Variants in PCSK5 observed in about 807,000 individuals in gnomAD.
The protein encoded by PCSK5 is proprotein convertase subtilisin/kexin type 5, also known as prohormone convertase 5.
A neutral mutation model predicts 233.2 loss-of-function variants in PCSK5; 129 were observed. The observed-to-expected ratio is 0.55, with a 90% CI of 0.48 to 0.64. PCSK5 has a LOEUF of 0.64. Among genes scored for constraint, PCSK5 ranks in the 30% least tolerant of loss-of-function variants. The probability of loss-of-function intolerance (pLI) is 0.00; values close to 1 mark genes in which losing one functional copy is unlikely to be tolerated. For synonymous variants in PCSK5, 825 were observed against 879.2 expected, an observed-to-expected ratio of 0.94 and a Z score of 1.09; for missense variants, 2,076 against 2,430.1, an observed-to-expected ratio of 0.85 and a Z score of 3.06.
intron 28 of PCSK5, among the ~76,000 whole-genome samples, 178 bp from the exon 29 acceptor site, chr9:76,308,467 T>C (rs1587853645): frequency 1.3e-5 from 2 of 151,938 alleles, no homozygotes; most frequent in Non-Finnish European, 2.9e-5. Flanking sequence ...GAAAAAAAAA[T>C]AAATGAAGTC....
Position 76,179,644 on chromosome 9 carries a change from C to T in PCSK5, c.1949C>T (p.Pro650Leu). Reference protein sequence around the residue: ...CSEVGCDGPGPDHCNDCLHYY... With the variant: ...CSEVGCDGPGLDHCNDCLHYY... The stretch of plus-strand genomic sequence containing the variant: ...GAGGTTGGCTGTGACGGGCCAGGAC[C>T]AGACCACTGCAATGACTGTTTGCAC... Residue 650 changes from proline to leucine, a missense_variant, in exon 15 of 38, where the codon CCA becomes CTA. Physicochemically the swap from Pro to Leu is moderately conservative, Grantham distance 98 (BLOSUM62 -3). Around this residue, in one of 6 missense-constraint regions of PCSK5, gnomAD observed 84 missense variants for 108.8 expected, o/e 0.77. Coordinates refer to ENST00000674117, the MANE Select transcript of PCSK5 (RefSeq NM_001372043.1). The T allele has an allele frequency of 6.2e-7, 1 of 1,613,886 alleles. No homozygotes were observed. Among genetic ancestry groups the T allele is most frequent in the Non-Finnish European group, 8.5e-7 (1 of 1,179,822 alleles).
intron 24 of PCSK5, among the ~76,000 whole-genome samples, chr9:76,274,640 T>C (rs73652912): frequency 6.6e-6 from 1 of 152,218 alleles, no homozygotes; most frequent in Non-Finnish European, 1.5e-5. Flanking sequence ...TGAGATGTTC[T>C]AGAACACACA....
At chr9:76,357,138 T>C (rs1388972191) in intron 37 of PCSK5, among the ~76,000 whole-genome samples, 1 of 152,226 alleles carries the variant, frequency 6.6e-6, no homozygotes, top group Non-Finnish European at 1.5e-5. Flanking sequence ...GTTGAATCTT[T>C]CCTTCCATGA....
intron 24 of PCSK5, among the ~76,000 whole-genome samples, chr9:76,253,940 C>T (rs1447011838): frequency 2.0e-5 from 3 of 152,170 alleles, no homozygotes; most frequent in Non-Finnish European, 4.4e-5. Flanking sequence ...TTTCCCAAAT[C>T]TCGGTGACTT....
intron 24 of PCSK5, among the ~76,000 whole-genome samples, chr9:76,272,773 CAAAAAAAAA>C (rs71372058): frequency 2.2e-4 from 11 of 49,952 alleles, no homozygotes; most frequent in East Asian, 7.9e-4. Context: ...GACTCCATCT[CAAAAAAAAA>C]AAAAAAAAAA....
rs545643054 is a variant in PCSK5 at position 76,010,037 on chromosome 9, TG to T, written c.412-13700del. On this transcript the variant is annotated intron_variant, in intron 3 of 37. Coordinates refer to ENST00000674117, the MANE Select transcript of PCSK5 (RefSeq NM_001372043.1). ...GCCAAATAACAACTACCGATGAAGT[TG>T]ATACTGAGGGATTTCTTTCTCTTAG... 1.4e-4 allele frequency among the ~76,000 whole-genome samples: 22 copies of T among 152,282 alleles called. No individual in the cohort carries two copies. The East Asian group carries it at 4.3e-3, about 29-fold the overall frequency.
intron 29 of PCSK5, among the ~76,000 whole-genome samples, chr9:76,310,435 A>G (rs769336430): frequency 1.3e-5 from 2 of 152,158 alleles, no homozygotes; most frequent in Non-Finnish European, 2.9e-5. Flanking sequence ...TATACCTAAT[A>G]TCTGTAGGAT....
At chr9:76,326,794 G>C (rs755184012) in intron 32 of PCSK5, among the ~76,000 whole-genome samples, 1 of 152,180 alleles carries the variant, frequency 6.6e-6, no homozygotes, top group African/African-American at 2.4e-5. Flanking sequence ...AGGGAAGACA[G>C]GTACTAACGA....
chr9:75,918,848 A>G lies in PCSK5; in HGVS notation c.193-13531A>G, dbSNP rs1455635722. ...AAAGTTCTTTAATTGAATAACATCA[A>G]TTTGATCATATATTTTAATCTAAAC... On this transcript the variant is annotated intron_variant, in intron 1 of 37. Coordinates refer to ENST00000674117, the MANE Select transcript of PCSK5 (RefSeq NM_001372043.1). 2.6e-5 allele frequency among the ~76,000 whole-genome samples: 4 copies of G among 152,348 alleles called. No individual in the cohort carries two copies. The East Asian group carries it at 7.7e-4, about 29-fold the overall frequency.
At chr9:76,311,179 G>A (rs1828855912) in intron 30 of PCSK5, among the ~76,000 whole-genome samples, 1 of 152,062 alleles carries the variant, frequency 6.6e-6, no homozygotes, top group African/African-American at 2.4e-5. Context: ...GACCAGCCTA[G>A]GCAACATAGC....
intron 24 of PCSK5, among the ~76,000 whole-genome samples, chr9:76,248,560 A>C (rs1306162505): frequency 1.3e-5 from 2 of 152,222 alleles, no homozygotes; most frequent in Non-Finnish European, 2.9e-5. Flanking sequence ...TCATCAAATC[A>C]TAAGTAGATA....
At chr9:75,979,855 A>AT (rs1408991983) in intron 2 of PCSK5, among the ~76,000 whole-genome samples, 1 of 152,136 alleles carries the variant, frequency 6.6e-6, no homozygotes, top group Non-Finnish European at 1.5e-5. Context: ...TTTTTGCATC[A>AT]TTTAACTTTT....
intron 3 of PCSK5, among the ~76,000 whole-genome samples, chr9:75,987,414 T>G (rs1826563370): frequency 6.6e-6 from 1 of 152,122 alleles, no homozygotes; most frequent in Non-Finnish European, 1.5e-5. Context: ...CCATTGGACT[T>G]GTGGGGGGGC....
rs1453117291 is a variant in PCSK5 at position 75,908,937 on chromosome 9, CTCTGTCTATCTA to C, written c.192+17568_192+17579del. ...TATCTATCTATCTCTCTATCTCTCTCTCTGTCTATCTATCTATCTATCTATCTATCTATCTAT... is the reference window on the plus strand; with the variant it reads ...TATCTATCTATCTCTCTATCTCTCTCTCTATCTATCTATCTATCTATCTAT... On this transcript the variant is annotated intron_variant, in intron 1 of 37. Transcript: ENST00000674117. 1.1e-4 allele frequency among the ~76,000 whole-genome samples: 10 copies of C among 89,588 alleles called. 1 individual carries two copies. In the South Asian group the frequency reaches 1.5e-3, roughly 13 times the overall value. 58.8% of individuals were successfully genotyped at this position (89,588 alleles called of 152,430 possible).
At chr9:76,057,746 C>A (rs937806154) in intron 5 of PCSK5, among the ~76,000 whole-genome samples, 2 of 151,426 alleles carry the variant, frequency 1.3e-5, no homozygotes, top group Admixed American at 6.6e-5. Flanking sequence ...GTTAGCTCTT[C>A]CATATTTTAA....
chr9:75,925,790 T>C (rs1012461842), intron 1 of PCSK5, among the ~76,000 whole-genome samples: 5 of 152,222 alleles, frequency 3.3e-5, no homozygotes, highest in Admixed American at 2.0e-4. Flanking sequence ...TTGAATGTTA[T>C]GGAGTTTAGA....
chr9:76,317,579 T>C (rs1564175848), intron 30 of PCSK5, among the ~76,000 whole-genome samples: 1 of 152,184 alleles, frequency 6.6e-6, no homozygotes, highest in African/African-American at 2.4e-5. Context: ...CTCTGGTAGA[T>C]TGGGTTATTT....
chr9:76,197,407 C>T (rs1356117490), intron 20 of PCSK5, among the ~76,000 whole-genome samples: 3 of 152,136 alleles, frequency 2.0e-5, no homozygotes, highest in South Asian at 2.1e-4. Flanking sequence ...AAAGAACTTA[C>T]AAACTGAGTA....
intron 5 of PCSK5, among the ~76,000 whole-genome samples, chr9:76,057,291 A>G (rs1219495588): frequency 6.6e-6 from 1 of 152,190 alleles, no homozygotes; most frequent in Non-Finnish European, 1.5e-5. Flanking sequence ...TTGAACTTCA[A>G]ACAGGTCATG....
Sources: allele counts gnomAD v4.1 joint callset (sites outside exome capture counted in the v4.1 genomes callset), GRCh38; gene constraint gnomAD v4.1.1; regional missense constraint gnomAD v4.1.1; transcripts MANE v1.5; gene names NCBI Gene and HGNC (gene_info 2026-07-23, HGNC 2026-07-21).